ZBED4: variants seen among roughly 807,000 people sequenced by gnomAD.
ZBED4 encodes the protein zinc finger BED-type containing 4.
A neutral mutation model predicts 15.5 loss-of-function variants in ZBED4; 4 were observed. That is an observed-to-expected ratio of 0.26 (90% confidence interval 0.13 to 0.59). The LOEUF (loss-of-function observed/expected upper bound fraction) is 0.59, where lower values mean the gene tolerates loss of function less well. Ranked by LOEUF, ZBED4 falls within the 20% of genes least tolerant of loss-of-function variation. The pLI is 0.90. For missense variants in ZBED4, 1,323 were observed against 1,461.8 expected, an observed-to-expected ratio of 0.91 and a Z score of 1.55; for synonymous variants, 692 against 608.5, an observed-to-expected ratio of 1.14 and a Z score of -2.02.
chr22:49,869,844 C>T (rs2060338574), intron 1 of ZBED4, among the ~76,000 whole-genome samples: 3 of 152,178 alleles, frequency 2.0e-5, no homozygotes, highest in South Asian at 2.1e-4. Context: ...ATTCATCAGG[C>T]ACATGTGCAG....
intron 1 of ZBED4, among the ~76,000 whole-genome samples, chr22:49,856,954 A>G (rs1461598190): frequency 1.3e-5 from 2 of 152,232 alleles, no homozygotes; most frequent in Non-Finnish European, 2.9e-5. Context: ...CTCTGTGTGC[A>G]ATAGAAACAG....
Position 49,862,693 on chromosome 22 carries a change from CTTTTTTTTTTTT to C in ZBED4, c.-330+8719_-330+8730del, listed in dbSNP as rs66520307. On this transcript the variant is annotated intron_variant, in intron 1 of 1. Coordinates refer to ENST00000216268, the MANE Select transcript of ZBED4 (RefSeq NM_014838.3). ...CCTCTAAATATTAGTTAAGTTTTTC[CTTTTTTTTTTTT>C]TTTTTTTTTTTTTTAGACTTAAGTC... Among the ~76,000 whole-genome samples the C allele has an allele frequency of 3.0e-3, 175 of 59,020 alleles. 2 individuals are homozygous for C. The highest frequency in any genetic ancestry group is 9.4e-3 in the African/African-American group (168 of 17,844). The allele number at this position is 59,020 out of a possible 152,430, so 38.7% of individuals were successfully genotyped here.
intron 1 of ZBED4, among the ~76,000 whole-genome samples, chr22:49,854,674 C>T (rs896582523): frequency 6.6e-6 from 1 of 152,192 alleles, no homozygotes; most frequent in Non-Finnish European, 1.5e-5. Context: ...CTAAGAGAAT[C>T]GCAGCCCCTC....
chr22:49,855,057 CAA>C (rs1271811080), intron 1 of ZBED4, among the ~76,000 whole-genome samples: 1 of 152,100 alleles, frequency 6.6e-6, no homozygotes, highest in Non-Finnish European at 1.5e-5. Context: ...AATTACTAAA[CAA>C]AGTTACTTTG....
chr22:49,877,780 A>G (rs4824108), intron 1 of ZBED4, among the ~76,000 whole-genome samples: 97,736 of 151,946 alleles, frequency 0.64, 35,614 homozygotes, highest in East Asian at 0.85. Flanking sequence ...ATGGACACAC[A>G]CATCCCTCCT....
intron 1 of ZBED4, among the ~76,000 whole-genome samples, chr22:49,876,015 GCTTTA>G (rs1397495657): frequency 5.4e-5 from 8 of 148,566 alleles, no homozygotes; most frequent in South Asian, 2.1e-4. Context: ...GATTAAATTT[GCTTTA>G]CTTTTGTGTG....
At chr22:49,868,248 A>T (rs2060330675) in intron 1 of ZBED4, among the ~76,000 whole-genome samples, 1 of 152,204 alleles carries the variant, frequency 6.6e-6, no homozygotes, top group African/African-American at 2.4e-5. Context: ...GATTTGGGGA[A>T]ACTAAAAAAT....
chr22:49,862,679 T>G (rs1415809448), intron 1 of ZBED4, among the ~76,000 whole-genome samples: 1 of 149,988 alleles, frequency 6.7e-6, no homozygotes, highest in Admixed American at 6.8e-5. Flanking sequence ...CTCTAAATAT[T>G]AGTTAAGTTT....
intron 1 of ZBED4, among the ~76,000 whole-genome samples, chr22:49,882,877 G>A (rs948248043): frequency 6.6e-6 from 1 of 152,178 alleles, no homozygotes; most frequent in African/African-American, 2.4e-5. Flanking sequence ...TCAGCTTTTC[G>A]TCTGGGTTGA....
intron 1 of ZBED4, among the ~76,000 whole-genome samples, chr22:49,871,350 G>A (rs1361557655): frequency 6.6e-6 from 1 of 152,034 alleles, no homozygotes; most frequent in African/African-American, 2.4e-5. Flanking sequence ...GCTGGGTGTG[G>A]TGGCACGCAC....
intron 1 of ZBED4, among the ~76,000 whole-genome samples, chr22:49,859,877 A>G (rs535396973): frequency 6.6e-6 from 1 of 151,724 alleles, no homozygotes; most frequent in South Asian, 2.1e-4. Context: ...ACATACAGAA[A>G]TCAGCTGGGC....
chr22:49,864,303 T>C (rs2060310237), intron 1 of ZBED4, among the ~76,000 whole-genome samples: 1 of 152,250 alleles, frequency 6.6e-6, no homozygotes, highest in Non-Finnish European at 1.5e-5. Flanking sequence ...GTTTTATCTC[T>C]TGCTACAAAC....
chr22:49,864,011 T>A (rs2060309217), intron 1 of ZBED4, among the ~76,000 whole-genome samples: 1 of 152,204 alleles, frequency 6.6e-6, no homozygotes, highest in Non-Finnish European at 1.5e-5. Context: ...TCATCTTGTA[T>A]TTTTCCGGCT....
At chr22:49,881,697 T>G (rs536102669) in intron 1 of ZBED4, among the ~76,000 whole-genome samples, 1 of 152,228 alleles carries the variant, frequency 6.6e-6, no homozygotes, top group Admixed American at 6.5e-5. Flanking sequence ...TGTTTGTTTG[T>G]TTTGTTTTTT....
At chr22:49,865,252 G>T (rs1484133052) in intron 1 of ZBED4, among the ~76,000 whole-genome samples, 1 of 152,060 alleles carries the variant, frequency 6.6e-6, no homozygotes, top group East Asian at 1.9e-4. Flanking sequence ...AACAGAAAAG[G>T]CACAGTAAAC....
At chr22:49,870,004 G>C (rs2060339401) in intron 1 of ZBED4, among the ~76,000 whole-genome samples, 1 of 152,106 alleles carries the variant, frequency 6.6e-6, no homozygotes, top group Admixed American at 6.5e-5. Context: ...CAGTCCCAGT[G>C]CCTGTGGTTC....
intron 1 of ZBED4, among the ~76,000 whole-genome samples, chr22:49,873,975 G>A (rs894948169): frequency 3.9e-5 from 6 of 152,238 alleles, no homozygotes; most frequent in Non-Finnish European, 2.9e-5. Flanking sequence ...CGGGGAGCTG[G>A]CCCGTGCCGA....
chr22:49,872,159 A>G (rs1321226133), intron 1 of ZBED4, among the ~76,000 whole-genome samples: 3 of 152,196 alleles, frequency 2.0e-5, no homozygotes, highest in Admixed American at 6.5e-5. Context: ...ATTGTAGTCA[A>G]TCCTCTCAAA....
At chr22:49,858,340 C>A (rs543643855) in intron 1 of ZBED4, among the ~76,000 whole-genome samples, 1 of 152,296 alleles carries the variant, frequency 6.6e-6, no homozygotes, top group East Asian at 1.9e-4. Context: ...GGTGTAGCCC[C>A]GATGGTAGTT....
Sources: gnomAD v4.1 joint callset for allele counts (sites outside exome capture counted in the v4.1 genomes callset) on GRCh38, gnomAD v4.1.1 for gene constraint, MANE v1.5 for transcripts, NCBI Gene and HGNC (gene_info 2026-07-23, HGNC 2026-07-21) for gene names.